Variants in PPFIBP1 observed in about 807,000 individuals in gnomAD.
The protein encoded by PPFIBP1 is PPFIB scaffold protein 1.
A neutral mutation model predicts 137.8 loss-of-function variants in PPFIBP1; 112 were observed. That is an observed-to-expected ratio of 0.81 (90% CI 0.70 to 0.95). The LOEUF is 0.95. PPFIBP1 is among the 40% of genes least tolerant of loss of function. The pLI, the probability that PPFIBP1 is intolerant of heterozygous loss-of-function variation, is 0.00. For missense variants in PPFIBP1, 1,083 were observed against 1,196.6 expected, an observed-to-expected ratio of 0.91 and a Z score of 1.40; for synonymous variants, 378 against 417.3, an observed-to-expected ratio of 0.91 and a Z score of 1.15.
intron 3 of PPFIBP1, among the ~76,000 whole-genome samples, chr12:27,633,872 C>G (rs2057445280): frequency 7.6e-6 from 1 of 132,100 alleles, no homozygotes; most frequent in Non-Finnish European, 1.6e-5. Flanking sequence ...GAGTCTCTCT[C>G]TGTTGCCCAG....
intron 1 of PPFIBP1, among the ~76,000 whole-genome samples, chr12:27,534,288 G>GA (rs985769963): frequency 2.2e-4 from 32 of 147,806 alleles, no homozygotes; most frequent in Admixed American, 8.1e-4. Flanking sequence ...AGGGGAAATG[G>GA]AAAAAAAAAA....
intron 2 of PPFIBP1, among the ~76,000 whole-genome samples, chr12:27,604,262 A>T (rs2054289301): frequency 6.6e-6 from 1 of 152,240 alleles, no homozygotes; most frequent in Admixed American, 6.5e-5. Flanking sequence ...AATCAGAAAG[A>T]TGATATATAG....
At chr12:27,595,879 ACAACAAAATATATAT>A (rs1241266379) in intron 2 of PPFIBP1, among the ~76,000 whole-genome samples, 1 of 46,434 alleles carries the variant, frequency 2.2e-5, no homozygotes, top group African/African-American at 8.6e-5. Flanking sequence ...AACAACAACA[ACAACAAAATATATAT>A]ATATATATAT....
At chr12:27,544,517 T>G (rs186580933) in intron 1 of PPFIBP1, among the ~76,000 whole-genome samples, 129 of 151,988 alleles carry the variant, frequency 8.5e-4, no homozygotes, top group African/African-American at 2.9e-3. Context: ...ATATCTAGAA[T>G]CTACAAAGAA....
chr12:27,555,626 C>T (rs1469075338), intron 1 of PPFIBP1, among the ~76,000 whole-genome samples: 1 of 152,156 alleles, frequency 6.6e-6, no homozygotes, highest in Non-Finnish European at 1.5e-5. Context: ...CCAACTCTTC[C>T]CCTTTTCTCT....
At chr12:27,565,303 A>G (rs541573550) in intron 1 of PPFIBP1, among the ~76,000 whole-genome samples, 50 of 152,346 alleles carry the variant, frequency 3.3e-4, no homozygotes, top group African/African-American at 1.2e-3. Flanking sequence ...AGTCCGGGGA[A>G]AGCTGGGCTC....
At chr12:27,675,007 A>G (rs1461917422) in intron 17 of PPFIBP1, among the ~76,000 whole-genome samples, 2 of 126,234 alleles carry the variant, frequency 1.6e-5, no homozygotes, top group African/African-American at 3.0e-5. Flanking sequence ...TTTTTTTTTT[A>G]TTTTTTATTT....
chr12:27,532,179 C>T (rs558523170), intron 1 of PPFIBP1, among the ~76,000 whole-genome samples: 8 of 152,196 alleles, frequency 5.3e-5, no homozygotes, highest in East Asian at 1.9e-4. Context: ...CTCTTGGAGA[C>T]GGAAAGACAA....
chr12:27,525,105 T>C (rs911609885), intron 1 of PPFIBP1, among the ~76,000 whole-genome samples: 7 of 152,076 alleles, frequency 4.6e-5, no homozygotes, highest in African/African-American at 1.7e-4. Context: ...TCAGGGATCT[T>C]TTTTAGAGAA....
chr12:27,591,095 CT>C (rs557807878), intron 2 of PPFIBP1, among the ~76,000 whole-genome samples: 168 of 143,132 alleles, frequency 1.2e-3, no homozygotes, highest in Non-Finnish European at 1.5e-3. Context: ...AAGATCAAGA[CT>C]TTTTTTTTTT....
intron 11 of PPFIBP1, 143 bp downstream of exon 11, chr12:27,661,088 G>A: frequency 7.8e-7 from 1 of 1,284,540 alleles, no homozygotes. Context: ...CACACTCCCA[G>A]GTGGGCTGTA....
intron 2 of PPFIBP1, among the ~76,000 whole-genome samples, chr12:27,614,615 GT>G (rs2055542345): frequency 6.6e-6 from 1 of 152,112 alleles, no homozygotes; most frequent in Non-Finnish European, 1.5e-5. Flanking sequence ...TCAGGGATGG[GT>G]ATAGGCAGAG....
At chr12:27,603,349 A>G (rs1454380113) in intron 2 of PPFIBP1, among the ~76,000 whole-genome samples, 1 of 152,114 alleles carries the variant, frequency 6.6e-6, no homozygotes, top group Non-Finnish European at 1.5e-5. Context: ...TAAATGGTTT[A>G]TTTTTATTGC....
intron 2 of PPFIBP1, among the ~76,000 whole-genome samples, chr12:27,600,161 G>A (rs2053805074): frequency 6.6e-6 from 1 of 152,124 alleles, no homozygotes; most frequent in South Asian, 2.1e-4. Flanking sequence ...AGAAGAGCTG[G>A]GCACGGTGGC....
In PPFIBP1 at chr12:27,688,287, T is replaced by C; in HGVS notation, c.2371-11T>C. On this transcript the variant is annotated splice_polypyrimidine_tract_variant and intron_variant, in intron 25 of 29. Coordinates refer to ENST00000228425, the MANE Select transcript of PPFIBP1 (RefSeq NM_003622.4). ...TTTAATATTTAGGATCCTGGTTGTG[T>C]GTTCCCATAGAATACCATCGCCCCA... The C allele has an allele frequency of 6.2e-6, 10 of 1,612,806 alleles. No homozygotes were observed. The highest frequency in any genetic ancestry group is 8.5e-6 in the Non-Finnish European group (10 of 1,179,448).
At position 27,624,715 on chromosome 12, in the gene PPFIBP1, T is replaced by C. The variant is rs1450302519; in HGVS notation, c.-35-8647T>C. Among the ~76,000 whole-genome samples, 9 of 152,254 alleles carry C rather than the reference T, an allele frequency of 5.9e-5. No homozygotes were observed. The East Asian group carries it at 1.7e-3, about 29-fold the overall frequency. On this transcript the variant is annotated intron_variant, in intron 2 of 29. Transcript: ENST00000228425. ...TCTTTTGTACTCTGCCTTACAATCC[T>C]CTGTGAGTGGCTGTTCCATTTCCTG... is the stretch of plus-strand genomic sequence containing the variant.
intron 8 of PPFIBP1, chr12:27,655,129 T>C (rs1222971704): frequency 2.0e-6 from 3 of 1,499,076 alleles, no homozygotes; most frequent in Non-Finnish European, 2.7e-6. Flanking sequence ...TTCACTCCTC[T>C]GTCTCTCTAC....
chr12:27,601,113 CTTTCCCTCT>C (rs796372484), intron 2 of PPFIBP1, among the ~76,000 whole-genome samples: 7 of 152,276 alleles, frequency 4.6e-5, no homozygotes, highest in African/African-American at 1.7e-4. Flanking sequence ...AACATCTTCC[CTTTCCCTCT>C]TTACTCCCCA....
chr12:27,596,097 CACACACACACAT>C (rs2053264196), intron 2 of PPFIBP1, among the ~76,000 whole-genome samples: 1 of 147,418 alleles, frequency 6.8e-6, no homozygotes, highest in African/African-American at 2.5e-5. Flanking sequence ...CACACACACA[CACACACACACAT>C]ATGCTTACAA....
Sources: gnomAD v4.1 joint callset for allele counts (sites outside exome capture counted in the v4.1 genomes callset) on GRCh38, gnomAD v4.1.1 for gene constraint, MANE v1.5 for transcripts, NCBI Gene and HGNC (gene_info 2026-07-23, HGNC 2026-07-21) for gene names.